DOCK1: variants seen among roughly 807,000 people sequenced by gnomAD.
The protein encoded by DOCK1 is dedicator of cytokinesis protein 1.
A neutral mutation model predicts 262.7 loss-of-function variants in DOCK1; 138 were observed. The ratio of observed to expected loss-of-function variants is 0.53; its 90% CI spans 0.46 to 0.61. DOCK1 has a LOEUF of 0.61. DOCK1 is among the 20% of genes least tolerant of loss of function. The pLI is 0.00. For missense variants in DOCK1, 1,908 were observed against 2,370.7 expected (o/e 0.80, Z 4.05); for synonymous variants, 866 against 867.4 (o/e 1.00, Z 0.03).
At chr10:127,430,975 G>A (rs139399110) in intron 47 of DOCK1, among the ~76,000 whole-genome samples, 5 of 152,320 alleles carry the variant, frequency 3.3e-5, no homozygotes, top group African/African-American at 1.2e-4. Flanking sequence ...GACAGCAGCA[G>A]CCATCAGGGT....
intron 1 of DOCK1, among the ~76,000 whole-genome samples, chr10:126,922,376 G>A (rs1279906452): frequency 6.6e-6 from 1 of 152,108 alleles, no homozygotes; most frequent in Non-Finnish European, 1.5e-5. Context: ...ACAAGAGCAG[G>A]AGCAAGAGAG....
At chr10:127,129,737 C>A (rs1429576116) in intron 27 of DOCK1, among the ~76,000 whole-genome samples, 1 of 152,160 alleles carries the variant, frequency 6.6e-6, no homozygotes, top group South Asian at 2.1e-4. Flanking sequence ...TGAACTTGAA[C>A]CAAGTGTGGT....
intron 12 of DOCK1, chr10:127,016,175 C>T (rs11018105): frequency 0.1 from 15,819 of 152,206 alleles, 985 homozygotes; most frequent in Middle Eastern, 0.14. Context: ...TGAGGGTCTG[C>T]CCTATGTCTC....
At chr10:127,158,729 G>C (rs1225904193) in intron 27 of DOCK1, among the ~76,000 whole-genome samples, 5 of 152,294 alleles carry the variant, frequency 3.3e-5, no homozygotes, top group African/African-American at 9.6e-5. Context: ...GAACTCCTTT[G>C]GGTGCTAATG....
chr10:127,244,738 G>A (rs998130164), intron 27 of DOCK1, among the ~76,000 whole-genome samples: 19 of 152,064 alleles, frequency 1.2e-4, no homozygotes, highest in African/African-American at 4.6e-4. Context: ...GAAGTTATAA[G>A]GAATATGTCT....
chr10:126,912,190 A>C (rs2031870187), intron 1 of DOCK1, among the ~76,000 whole-genome samples: 2 of 152,076 alleles, frequency 1.3e-5, no homozygotes, highest in South Asian at 4.1e-4. Context: ...GCATTTTGGG[A>C]GGCTGAGGTG....
intron 29 of DOCK1, among the ~76,000 whole-genome samples, chr10:127,333,155 A>C (rs947530120): frequency 2.6e-5 from 4 of 152,214 alleles, no homozygotes; most frequent in African/African-American, 7.2e-5. Flanking sequence ...TCCACCCCCA[A>C]AGCAGCCTGT....
chr10:126,937,348 C>A (rs966203260), intron 1 of DOCK1, among the ~76,000 whole-genome samples: 3 of 152,210 alleles, frequency 2.0e-5, no homozygotes, highest in Admixed American at 1.3e-4. Flanking sequence ...TGAGTGTGTA[C>A]CCAGAAGTGG....
rs768434531 is a variant in DOCK1 at position 127,373,974 on chromosome 10, A to AC, written c.3519-84_3519-83insC. 1.2e-5 allele frequency: 19 copies of AC among 1,529,442 alleles called. No individual in the cohort carries two copies. The East Asian group carries it at 4.1e-4, about 33-fold the overall frequency. The allele number at this position is 1,529,442 out of a possible 1,614,324, so 94.7% of individuals were successfully genotyped here. A position where few individuals can be genotyped will look rare whatever the true frequency, so the allele number is the denominator to read the frequency against. On this transcript the variant is annotated intron_variant, in intron 34 of 51. Transcript: ENST00000623213. ...ACCCAGAAATAATTAAAATGTGTTA[A>AC]TAATGGAAAATAGTTAAAATTGCAC...
At chr10:127,000,068 C>A in intron 9 of DOCK1, 104 bp from the exon 10 acceptor site, 2 of 1,263,782 alleles carry the variant, frequency 1.6e-6, no homozygotes, top group Non-Finnish European at 2.2e-6. Context: ...ATGATAAAAA[C>A]TGGTCTGAGA....
intron 29 of DOCK1, among the ~76,000 whole-genome samples, chr10:127,296,228 T>C (rs1466773651): frequency 6.6e-6 from 1 of 152,232 alleles, no homozygotes; most frequent in East Asian, 1.9e-4. Flanking sequence ...GCCCGTTGTT[T>C]TTCACATAGA....
In DOCK1 at chr10:127,031,764, G is replaced by A. The variant is rs370163621; in HGVS notation, c.1728+11G>A. 2.5e-6 allele frequency: 4 copies of A among 1,607,530 alleles called. No individual in the cohort carries two copies. Among genetic ancestry groups the A allele is most frequent in the Non-Finnish European group, 3.4e-6 (4 of 1,176,916 alleles). On this transcript the variant is annotated intron_variant, in intron 17 of 51. Coordinates refer to ENST00000623213, the MANE Select transcript of DOCK1 (RefSeq NM_001290223.2). The stretch of plus-strand genomic sequence containing the variant: ...CTTATCGTCTATAAGGTATCTGGTT[G>A]CATTGGTGCAATATTGCTGCTATAG...
intron 13 of DOCK1, among the ~76,000 whole-genome samples, chr10:127,022,621 C>T (rs1436509087): frequency 6.6e-6 from 1 of 152,140 alleles, no homozygotes; most frequent in African/African-American, 2.4e-5. Context: ...GTCTTGAACT[C>T]CTGACCTCAA....
chr10:127,428,736 G>A (rs1473428436), intron 47 of DOCK1, among the ~76,000 whole-genome samples: 1 of 148,408 alleles, frequency 6.7e-6, no homozygotes, highest in African/African-American at 2.5e-5. Flanking sequence ...GTGTCCTGTG[G>A]ATTGGGGTGC....
Position 127,116,962 on chromosome 10 carries a change from G to A in DOCK1, c.2623+6608G>A, listed in dbSNP as rs570247622. Among the ~76,000 whole-genome samples, 7 of 152,250 alleles carry A rather than the reference G, an allele frequency of 4.6e-5. No homozygotes were observed. In the South Asian group the frequency reaches 1.5e-3, roughly 32 times the overall value. ...TCATTTTCTCTTCTGTTTCTTTCATGCCTTGAGAAAACTTTTTATCTGTAA... is the reference window on the plus strand; with the variant it reads ...TCATTTTCTCTTCTGTTTCTTTCATACCTTGAGAAAACTTTTTATCTGTAA... On this transcript the variant is annotated intron_variant, in intron 25 of 51. Transcript: ENST00000623213.
At chr10:127,181,662 C>T (rs2055747415) in intron 27 of DOCK1, among the ~76,000 whole-genome samples, 1 of 152,160 alleles carries the variant, frequency 6.6e-6, no homozygotes, top group Non-Finnish European at 1.5e-5. Flanking sequence ...CATTTTCTTC[C>T]ATATGCCAAG....
At chr10:127,385,296 T>C (rs6482836) in intron 38 of DOCK1, among the ~76,000 whole-genome samples, 72,937 of 151,852 alleles carry the variant, frequency 0.48, 18,021 homozygotes, top group African/African-American at 0.59. Flanking sequence ...CCTGGTGGCT[T>C]CTAGTTTAAT....
intron 1 of DOCK1, among the ~76,000 whole-genome samples, chr10:126,914,161 G>A (rs1432093030): frequency 6.6e-6 from 1 of 152,220 alleles, no homozygotes; most frequent in East Asian, 1.9e-4. Context: ...CAAAGTGCTG[G>A]TCAGAATTTT....
intron 27 of DOCK1, among the ~76,000 whole-genome samples, chr10:127,203,895 T>G (rs1362792314): frequency 1.3e-5 from 2 of 150,116 alleles, no homozygotes; most frequent in Non-Finnish European, 2.9e-5. Flanking sequence ...CTTACACAAT[T>G]TTGATTTTTT....
Sources: gnomAD v4.1 joint callset for allele counts (sites outside exome capture counted in the v4.1 genomes callset) on GRCh38, gnomAD v4.1.1 for gene constraint, MANE v1.5 for transcripts, NCBI Gene and HGNC (gene_info 2026-07-23, HGNC 2026-07-21) for gene names.